IGSF21: variants seen among roughly 807,000 people sequenced by gnomAD.
IGSF21 encodes the protein immunoglobulin superfamily member 21.
Under a neutral mutation model 46.8 loss-of-function variants are expected in IGSF21, and 28 were observed. The observed-to-expected ratio is 0.60, with a 90% CI of 0.44 to 0.82. IGSF21 has a LOEUF of 0.82. Among genes scored for constraint, IGSF21 ranks in the 40% least tolerant of loss-of-function variants. The pLI is 0.00. For synonymous variants in IGSF21, 284 were observed against 273.6 expected, an observed-to-expected ratio of 1.04 and a Z score of -0.38; for missense variants, 624 against 665.5, an observed-to-expected ratio of 0.94 and a Z score of 0.69.
At position 18,335,945 on chromosome 1, in the gene IGSF21, C is replaced by T. The variant is rs1432050544; in HGVS notation, c.424+935C>T. ...GAAAAGCCCCTCTCTCGCAGTTACT[C>T]ATGCACCACTCAGCTCCTCTGATAA... On this transcript the variant is annotated intron_variant, in intron 4 of 9. Transcript: ENST00000251296. This position sits in a 1 kb window ranked among gnomAD's most constrained non-coding sequence, Gnocchi z 4.8. 6.6e-6 allele frequency among the ~76,000 whole-genome samples: 1 copy of T among 152,180 alleles called. No homozygotes were observed. The highest frequency in any genetic ancestry group is 1.5e-5 in the Non-Finnish European group (1 of 68,040).
intron 4 of IGSF21, among the ~76,000 whole-genome samples, chr1:18,344,801 C>T (rs2085876610): frequency 6.6e-6 from 1 of 152,180 alleles, no homozygotes. Flanking sequence ...AAATGATCAG[C>T]TCCTTCCTCT....
At chr1:18,274,018 A>G (rs930450111) in intron 2 of IGSF21, among the ~76,000 whole-genome samples, 2 of 152,218 alleles carry the variant, frequency 1.3e-5, no homozygotes, top group Non-Finnish European at 2.9e-5. Context: ...ACACCTACCA[A>G]GTCAAAGATG....
At chr1:18,149,037 G>A (rs1017232675) in intron 1 of IGSF21, among the ~76,000 whole-genome samples, 1 of 152,182 alleles carries the variant, frequency 6.6e-6, no homozygotes, top group African/African-American at 2.4e-5. Context: ...GCGGCATCCC[G>A]GAGACTCTGC....
chr1:18,156,481 C>A (rs1224632581), intron 1 of IGSF21, among the ~76,000 whole-genome samples: 1 of 152,208 alleles, frequency 6.6e-6, no homozygotes, highest in African/African-American at 2.4e-5. Context: ...TGGCTCTAAG[C>A]CCGAGTGCTG....
intron 1 of IGSF21, among the ~76,000 whole-genome samples, chr1:18,186,591 T>C (rs2086904948): frequency 6.6e-6 from 1 of 152,178 alleles, no homozygotes; most frequent in Non-Finnish European, 1.5e-5. Flanking sequence ...TCTTGTCCTT[T>C]TAGAATCCAC....
chr1:18,125,422 C>G (rs1354969040), intron 1 of IGSF21, among the ~76,000 whole-genome samples: 2 of 152,154 alleles, frequency 1.3e-5, no homozygotes, highest in East Asian at 1.9e-4. Flanking sequence ...AGGAAATTAC[C>G]AAGGCCTGTG....
intron 1 of IGSF21, 45 bp downstream of exon 1, chr1:18,108,243 C>CG (rs2086109960): frequency 7.6e-7 from 1 of 1,316,188 alleles, no homozygotes; most frequent in Non-Finnish European, 9.7e-7. Context: ...TGAACGTGCG[C>CG]GGGGACGGGG....
At chr1:18,158,381 G>A (rs2086586390) in intron 1 of IGSF21, among the ~76,000 whole-genome samples, 1 of 152,228 alleles carries the variant, frequency 6.6e-6, no homozygotes. Context: ...ATAATGAAGT[G>A]TTTGTGGTTT....
chr1:18,140,937 A>G (rs1004092498), intron 1 of IGSF21, among the ~76,000 whole-genome samples: 43 of 152,098 alleles, frequency 2.8e-4, no homozygotes, highest in African/African-American at 9.7e-4. Flanking sequence ...TACACCCCTT[A>G]GCCCTCTGCT....
At chr1:18,308,903 G>A (rs2085453641) in intron 3 of IGSF21, among the ~76,000 whole-genome samples, 1 of 152,160 alleles carries the variant, frequency 6.6e-6, no homozygotes, top group Admixed American at 6.5e-5. Flanking sequence ...AGTGGGGCCT[G>A]GCAAGCCCAG....
In IGSF21 at chr1:18,146,480, C is replaced by T. The variant is rs989950717; in HGVS notation, c.70+38282C>T. ...GAGCCAGTGCACCTTCTCCTGGGCC[C>T]TCCTGGGATCACTGCTCCAACGCAG... On this transcript the variant is annotated intron_variant, in intron 1 of 9. Coordinates refer to ENST00000251296, the MANE Select transcript of IGSF21 (RefSeq NM_032880.5). Among the ~76,000 whole-genome samples, 8 of 152,270 alleles carry T rather than the reference C, an allele frequency of 5.3e-5. No individual in the cohort carries two copies. The South Asian group carries it at 1.0e-3, about 20-fold the overall frequency.
intron 1 of IGSF21, among the ~76,000 whole-genome samples, chr1:18,217,500 C>T (rs1049840231): frequency 7.2e-5 from 11 of 152,336 alleles, no homozygotes; most frequent in South Asian, 2.1e-4. Flanking sequence ...GTTCCAGAGA[C>T]GTTCTCAGTC....
chr1:18,323,027 G>T (rs1248476242), intron 3 of IGSF21, among the ~76,000 whole-genome samples: 2 of 152,106 alleles, frequency 1.3e-5, no homozygotes, highest in African/African-American at 4.8e-5. Context: ...CGGGACCAGC[G>T]ACCCCATATC....
intron 1 of IGSF21, among the ~76,000 whole-genome samples, chr1:18,154,588 C>T (rs973498424): frequency 5.3e-5 from 8 of 151,016 alleles, no homozygotes; most frequent in Non-Finnish European, 1.2e-4. Flanking sequence ...GGCAAGGAGG[C>T]CCAGGGCAGG....
chr1:18,151,387 T>C (rs537187340), intron 1 of IGSF21, among the ~76,000 whole-genome samples: 3 of 152,382 alleles, frequency 2.0e-5, no homozygotes, highest in African/African-American at 7.2e-5. Context: ...TTTGTGCCTC[T>C]GTCATCCCTG....
At chr1:18,169,397 A>G (rs2086712873) in intron 1 of IGSF21, among the ~76,000 whole-genome samples, 1 of 152,168 alleles carries the variant, frequency 6.6e-6, no homozygotes, top group South Asian at 2.1e-4. Context: ...TTCTTCCACC[A>G]TTCCTCTAAC....
At chr1:18,169,035 G>A (rs1245678372) in intron 1 of IGSF21, among the ~76,000 whole-genome samples, 2 of 152,216 alleles carry the variant, frequency 1.3e-5, no homozygotes, top group Non-Finnish European at 2.9e-5. Flanking sequence ...GCACTAACCT[G>A]TGGCTGCTCG....
At chr1:18,204,235 G>C (rs1226156183) in intron 1 of IGSF21, among the ~76,000 whole-genome samples, 1 of 152,196 alleles carries the variant, frequency 6.6e-6, no homozygotes, top group Non-Finnish European at 1.5e-5. Context: ...TGAAGAAACT[G>C]AGCCTTAGAA....
At chr1:18,256,473 CGGCTCCCAGGGCTAGCCCTGAGAGCT>C (rs1476018283) in intron 2 of IGSF21, among the ~76,000 whole-genome samples, 1 of 152,132 alleles carries the variant, frequency 6.6e-6, no homozygotes, top group East Asian at 1.9e-4. Flanking sequence ...CCCAGGGAGC[CGGCTCCCAGGGCTAGCCCTGAGAGCT>C]GTCCGTGGTG....
Sources: gnomAD v4.1 joint callset for allele counts (sites outside exome capture counted in the v4.1 genomes callset) on GRCh38, gnomAD v4.1.1 for gene constraint, Gnocchi (gnomAD v3.1) non-coding constraint, MANE v1.5 for transcripts, NCBI Gene and HGNC (gene_info 2026-07-23, HGNC 2026-07-21) for gene names.